The following MGAM2 variants were observed in gnomAD, a reference collection of about 807,000 sequenced individuals.
MGAM2 encodes probable maltase-glucoamylase 2.
MGAM2 carries 98 observed loss-of-function variants against 96.1 expected under a neutral mutation model. The observed-to-expected ratio is 1.02, with a 90% confidence interval of 0.87 to 1.21. MGAM2 has a LOEUF of 1.21. MGAM2 is among the 50% of genes most tolerant of loss of function. MGAM2 has a pLI of 0.00. For missense variants in MGAM2, 2,055 were observed against 1,182.4 expected (o/e 1.74, Z -10.82); for synonymous variants, 749 against 414.8 (o/e 1.81, Z -9.79).
chr7:142,150,313 T>C (rs1585165464), intron 15 of MGAM2, among the ~76,000 whole-genome samples: 1 of 152,314 alleles, frequency 6.6e-6, no homozygotes, highest in Non-Finnish European at 1.5e-5. Context: ...GTGAGAAGCA[T>C]GAAGCCATCT....
chr7:142,200,702 T>G (rs1340120534), intron 45 of MGAM2, among the ~76,000 whole-genome samples: 2 of 152,176 alleles, frequency 1.3e-5, no homozygotes, highest in Admixed American at 6.5e-5. Context: ...CTACTAATAT[T>G]TCTAGAGATT....
chr7:142,144,965 C>A lies in MGAM2; in HGVS notation c.1516+20C>A. 1 of 702,302 alleles carries A rather than the reference C, an allele frequency of 1.4e-6. No homozygotes were observed. Among genetic ancestry groups the A allele is most frequent in the Non-Finnish European group, 2.6e-6 (1 of 384,666 alleles). The allele number at this position is 702,302 out of a possible 1,614,324, so 43.5% of individuals were successfully genotyped here. A position where few individuals can be genotyped will look rare whatever the true frequency, so the allele number is the denominator to read the frequency against. ...TTCCTAGTAAGTTTTCACCTGTTTG[C>A]TATGACGTAGGAATAAGCCATGTTT... On this transcript the variant is annotated intron_variant, in intron 14 of 47. Coordinates refer to ENST00000477922, the MANE Select transcript of MGAM2 (RefSeq NM_001293626.2).
intron 21 of MGAM2, 49 bp from the exon 22 acceptor site, chr7:142,161,076 A>C: frequency 1.4e-6 from 1 of 698,570 alleles, no homozygotes. Flanking sequence ...GGTTTCACAT[A>C]GTTCCATCTC....
rs933142412 is a variant in MGAM2, at chr7:142,131,518, G to C, written c.311G>C (p.Gly104Ala). ...TCTCTCCATATCTTGCCACCCCTAGGATTTACTGCCCAGTTGAAAAGGTTG... is the reference window on the plus strand; with the variant it reads ...TCTCTCCATATCTTGCCACCCCTAGCATTTACTGCCCAGTTGAAAAGGTTG... ...ASNGHTNTST[G>A]FTAQLKRLPS... Residue 104 changes from glycine (G) to alanine (A), a missense_variant and splice_region_variant, in exon 5 of 48, where the codon GGA becomes GCA. Transcript: ENST00000477922. 1 of 702,784 alleles carries C rather than the reference G, an allele frequency of 1.4e-6. No homozygotes were observed. Among genetic ancestry groups the C allele is most frequent in the East Asian group, 2.7e-5 (1 of 37,284 alleles). 43.5% of individuals were successfully genotyped at this position (702,784 alleles called of 1,614,324 possible).
intron 42 of MGAM2, 28 bp downstream of exon 42, chr7:142,197,756 C>A (rs1214444012): frequency 1.0e-5 from 7 of 702,676 alleles, no homozygotes; most frequent in Non-Finnish European, 1.8e-5. Flanking sequence ...GGTCAGAAAA[C>A]CTTCAATCAC....
chr7:142,131,201 A>T (rs957126552), intron 4 of MGAM2, 130 bp downstream of exon 4: 8 of 623,482 alleles, frequency 1.3e-5, no homozygotes, highest in African/African-American at 3.6e-5. Flanking sequence ...GCACTTCGAG[A>T]GGCTGACGTG....
intron 19 of MGAM2, 145 bp downstream of exon 19, chr7:142,158,477 T>C: frequency 1.7e-6 from 1 of 584,858 alleles, no homozygotes; most frequent in Middle Eastern, 2.9e-4. Flanking sequence ...TAGAAATTTT[T>C]TAAAAAGTAG....
chr7:142,117,826 T>C (rs1817467127), intron 2 of MGAM2, among the ~76,000 whole-genome samples: 1 of 152,222 alleles, frequency 6.6e-6, no homozygotes, highest in Non-Finnish European at 1.5e-5. Flanking sequence ...CTATCCAGTG[T>C]ATATGACTAA....
chr7:142,141,189 G>C (rs1795218935), intron 12 of MGAM2, 70 bp downstream of exon 12: 2 of 667,652 alleles, frequency 3.0e-6, no homozygotes, highest in Admixed American at 4.7e-5. Context: ...ACGAAGATGA[G>C]TGAAAGGCAA....
intron 45 of MGAM2, among the ~76,000 whole-genome samples, chr7:142,207,179 G>A (rs2129103881): frequency 6.6e-6 from 1 of 152,288 alleles, no homozygotes. Context: ...GAACCATATG[G>A]GAAGGAGACA....
intron 2 of MGAM2, among the ~76,000 whole-genome samples, chr7:142,119,231 T>TA (rs920987561): frequency 1.6e-4 from 23 of 147,744 alleles, no homozygotes; most frequent in South Asian, 8.6e-4. Context: ...AATCCAAATT[T>TA]AAAAAAAAAA....
At chr7:142,185,626 A>C (rs1796669386) in intron 34 of MGAM2, among the ~76,000 whole-genome samples, 1 of 152,146 alleles carries the variant, frequency 6.6e-6, no homozygotes, top group Non-Finnish European at 1.5e-5. Flanking sequence ...AATAGTCTGG[A>C]AAAAGCTTTT....
At chr7:142,149,590 G>A (rs1180753841) in intron 15 of MGAM2, among the ~76,000 whole-genome samples, 1 of 152,038 alleles carries the variant, frequency 6.6e-6, no homozygotes, top group Non-Finnish European at 1.5e-5. Context: ...GCCCAGGCTG[G>A]AGTGCAGTGG....
rs1038287443 is a variant in MGAM2 at position 142,161,266 on chromosome 7, A to T, written c.2434+53A>T. On this transcript the variant is annotated intron_variant, in intron 22 of 47. Coordinates refer to ENST00000477922, the MANE Select transcript of MGAM2 (RefSeq NM_001293626.2). ...TGGATCACTGTGGTTCTCCCTGAAA[A>T]TTAGTCATCATAGGCTGCCCAATAT... The T allele has an allele frequency of 7.2e-6, 5 of 696,772 alleles. No homozygotes were observed. The East Asian group carries it at 1.3e-4, about 19-fold the overall frequency. 43.2% of individuals were successfully genotyped at this position (696,772 alleles called of 1,614,324 possible).
chr7:142,145,695 A>C (rs1263766941), intron 14 of MGAM2, among the ~76,000 whole-genome samples: 1 of 152,090 alleles, frequency 6.6e-6, no homozygotes, highest in Non-Finnish European at 1.5e-5. Flanking sequence ...GGTGACTCGG[A>C]TCTATGTCTG....
rs578217771 is a variant in MGAM2, at chr7:142,154,047, G to C, written c.1664G>C (p.Arg555Thr). 7.3e-6 allele frequency: 5 copies of C among 685,450 alleles called. No individual in the cohort carries two copies. Among genetic ancestry groups the C allele is most frequent in the Admixed American group, 2.0e-5 (1 of 49,672 alleles). The allele number at this position is 685,450 out of a possible 1,614,324, so 42.5% of individuals were successfully genotyped here. ...LALETIFMNN[R>T]SFILSRSTFA... The stretch of plus-strand genomic sequence containing the variant: ...CTGGAGACCATCTTCATGAATAATA[G>C]GAGCTTCATCTTATCCCGTTCTACT... The change falls in exon 16 of 48, where the codon AGG becomes ACG. Residue 555 changes from arginine (R) to threonine (T), a missense_variant. By Grantham distance (71) the Arg-to-Thr change is moderately conservative. Transcript: ENST00000477922.
Position 142,196,175 on chromosome 7 carries a change from A to G in MGAM2, c.4368A>G (p.Gly1456=), listed in dbSNP as rs1706590106. Residue 1456 remains glycine, a synonymous_variant, in exon 38 of 48, where the codon GGA becomes GGG. Transcript: ENST00000477922. ...CCAGAGCTGTGCAGGAGGTGACAGGACAGCGAGGGGTCATCATCACCCGCT... is the reference window on the plus strand; with the variant it reads ...CCAGAGCTGTGCAGGAGGTGACAGGGCAGCGAGGGGTCATCATCACCCGCT... The part of the protein sequence containing the change: ...PTYEAVQEVT[G]QRGVIITRST... 3 of 1,203,292 alleles carry G rather than the reference A, an allele frequency of 2.5e-6. No individual in the cohort carries two copies. The highest frequency in any genetic ancestry group is 3.6e-6 in the Non-Finnish European group (3 of 827,890). 74.5% of individuals were successfully genotyped at this position (1,203,292 alleles called of 1,614,324 possible). A position where few individuals can be genotyped will look rare whatever the true frequency, so the allele number is the denominator to read the frequency against.
chr7:142,118,477 C>G (rs532543102), intron 2 of MGAM2, among the ~76,000 whole-genome samples: 1 of 152,270 alleles, frequency 6.6e-6, no homozygotes. Flanking sequence ...GGGGCACCTG[C>G]TAATACCCAC....
chr7:142,133,177 G>T (rs964924142), intron 6 of MGAM2, among the ~76,000 whole-genome samples: 1 of 136,534 alleles, frequency 7.3e-6, no homozygotes, highest in Non-Finnish European at 1.5e-5. Context: ...TTTAATACAT[G>T]TTAATATACA....
Sources: allele counts gnomAD v4.1 joint callset (sites outside exome capture counted in the v4.1 genomes callset), GRCh38; gene constraint gnomAD v4.1.1; transcripts MANE v1.5; gene names NCBI Gene and HGNC (gene_info 2026-07-23, HGNC 2026-07-21).